Variants in RNF144A observed in about 807,000 individuals in gnomAD.
The protein encoded by RNF144A is ring finger protein 144A, also known as E3 ubiquitin-protein ligase RNF144A.
RNF144A carries 11 observed loss-of-function variants against 38.7 expected under a neutral mutation model. That is an observed-to-expected ratio of 0.28 (90% CI 0.18 to 0.47). The LOEUF is 0.47. Ranked by LOEUF, RNF144A falls within the 20% of genes least tolerant of loss-of-function variation. The probability of loss-of-function intolerance (pLI) is 0.99; values close to 1 mark genes in which losing one functional copy is unlikely to be tolerated. For synonymous variants in RNF144A, 149 were observed against 143.9 expected (o/e 1.04, Z -0.25); for missense variants, 316 against 377.2 (o/e 0.84, Z 1.34).
chr2:6,947,761 A>G (rs908655381), intron 2 of RNF144A, among the ~76,000 whole-genome samples: 2 of 152,198 alleles, frequency 1.3e-5, no homozygotes, highest in Admixed American at 6.5e-5. Context: ...CACAGTGCCA[A>G]TGAGAGGGTC....
chr2:7,018,655 A>G (rs1249830267), intron 5 of RNF144A, among the ~76,000 whole-genome samples: 3 of 152,254 alleles, frequency 2.0e-5, no homozygotes, highest in Non-Finnish European at 4.4e-5. Flanking sequence ...CCTGACAGCT[A>G]GGAACATTCT....
chr2:6,964,451 C>T (rs1322053274), intron 2 of RNF144A, among the ~76,000 whole-genome samples: 1 of 152,158 alleles, frequency 6.6e-6, no homozygotes, highest in Non-Finnish European at 1.5e-5. Flanking sequence ...ACCATTTGAC[C>T]CAGCCATCCC....
intron 5 of RNF144A, among the ~76,000 whole-genome samples, chr2:7,019,816 G>C (rs1671395541): frequency 6.6e-6 from 1 of 152,200 alleles, no homozygotes; most frequent in Admixed American, 6.5e-5. Flanking sequence ...CCATTAAATT[G>C]GGCTTCTTAG....
At chr2:7,033,386 GCC>G (rs1672453879) in intron 8 of RNF144A, among the ~76,000 whole-genome samples, 1 of 152,230 alleles carries the variant, frequency 6.6e-6, no homozygotes. Flanking sequence ...ACGCCATCGT[GCC>G]CTGGAGCTGC....
At position 6,999,624 on chromosome 2, in the gene RNF144A, A is replaced by G. The variant is rs542702084; in HGVS notation, c.135+2563A>G. On this transcript the variant is annotated intron_variant, in intron 3 of 8. Transcript: ENST00000320892. The stretch of plus-strand genomic sequence containing the variant: ...GTCCTGGAGCTGAAATGCCAGCTCT[A>G]TTTCTGCCCTGAGCAGGCCTCATTT... Among the ~76,000 whole-genome samples, 98 of 152,304 alleles carry G rather than the reference A, an allele frequency of 6.4e-4. 1 individual carries two copies. Among genetic ancestry groups the G allele is most frequent in the African/African-American group, 2.1e-3 (87 of 41,574 alleles).
At chr2:7,056,308 G>A (rs309281) in intron 6 of RNF144A, among the ~76,000 whole-genome samples, 41,363 of 151,902 alleles carry the variant, frequency 0.27, 6,808 homozygotes, top group South Asian at 0.43. Flanking sequence ...GGTAAGATGT[G>A]CCCTCTGTGC....
At chr2:7,005,053 G>A (rs1670351819) in intron 3 of RNF144A, among the ~76,000 whole-genome samples, 1 of 152,200 alleles carries the variant, frequency 6.6e-6, no homozygotes, top group South Asian at 2.1e-4. Context: ...CATTTTCTGT[G>A]AGATGTATCT....
In RNF144A at chr2:7,040,922, T is replaced by C; in HGVS notation, c.*1162T>C. On this transcript the variant is annotated 3_prime_UTR_variant, in exon 9 of 9. Coordinates refer to ENST00000320892, the MANE Select transcript of RNF144A (RefSeq NM_014746.6). The stretch of plus-strand genomic sequence containing the variant: ...TCACTTCGTTTTAACGTGGGGATTT[T>C]ACCACTTGATCTTTTACAGGGCTGT... 1.0e-6 allele frequency: 1 copy of C among 985,482 alleles called. No individual in the cohort carries two copies. Among genetic ancestry groups the C allele is most frequent in the Non-Finnish European group, 1.2e-6 (1 of 829,948 alleles). The allele number at this position is 985,482 out of a possible 1,614,324, so 61.0% of individuals were successfully genotyped here. A position where few individuals can be genotyped will look rare whatever the true frequency, so the allele number is the denominator to read the frequency against.
Position 7,043,266 on chromosome 2 carries a change from G to T in RNF144A, c.*3506G>T. On this transcript the variant is annotated 3_prime_UTR_variant, in exon 9 of 9. Transcript: ENST00000320892. ...TCCTGATTAGAACACAGGACCTGTG[G>T]GAGGGACTATCAGAGATGCAAAAAT... The T allele has an allele frequency of 2.0e-6, 2 of 984,964 alleles. No individual in the cohort carries two copies. The highest frequency in any genetic ancestry group is 2.4e-6 in the Non-Finnish European group (2 of 829,516). 61.0% of individuals were successfully genotyped at this position (984,964 alleles called of 1,614,324 possible). A position where few individuals can be genotyped will look rare whatever the true frequency, so the allele number is the denominator to read the frequency against.
chr2:7,017,887 C>T (rs1470193022), intron 5 of RNF144A, among the ~76,000 whole-genome samples: 4 of 152,256 alleles, frequency 2.6e-5, no homozygotes, highest in East Asian at 1.9e-4. Context: ...CTGACCTTTT[C>T]GATAGGGAAT....
chr2:6,931,869 G>C (rs532426261), intron 1 of RNF144A, among the ~76,000 whole-genome samples: 3 of 152,048 alleles, frequency 2.0e-5, no homozygotes, highest in Non-Finnish European at 1.5e-5. Context: ...TCTTCCCTTT[G>C]AACTAAAGGA....
At chr2:6,921,559 C>T (rs564371246) in intron 1 of RNF144A, among the ~76,000 whole-genome samples, 5 of 152,296 alleles carry the variant, frequency 3.3e-5, no homozygotes, top group African/African-American at 9.6e-5. Context: ...ATCGCACACA[C>T]GTCGTCAATT....
At chr2:6,996,761 C>A (rs957040260) in intron 2 of RNF144A, 155 bp from the exon 3 acceptor site, 6 of 745,928 alleles carry the variant, frequency 8.0e-6, no homozygotes, top group South Asian at 1.9e-5. Flanking sequence ...TCAAAAAAAA[C>A]CAAAAAATTC....
At chr2:7,063,866 T>C (rs1674078116) in intron 6 of RNF144A, among the ~76,000 whole-genome samples, 1 of 152,250 alleles carries the variant, frequency 6.6e-6, no homozygotes, top group African/African-American at 2.4e-5. Flanking sequence ...CCTTAGTCCA[T>C]TTTCTGTTGC....
intron 1 of RNF144A, among the ~76,000 whole-genome samples, chr2:6,939,794 T>C (rs1480056143): frequency 1.3e-5 from 2 of 151,902 alleles, no homozygotes; most frequent in Non-Finnish European, 2.9e-5. Flanking sequence ...GCACTATTCG[T>C]TGAAAAAAAA....
intron 2 of RNF144A, among the ~76,000 whole-genome samples, chr2:6,945,388 G>C (rs1666268001): frequency 6.6e-6 from 1 of 152,140 alleles, no homozygotes; most frequent in Admixed American, 6.5e-5. Flanking sequence ...CAGTTTTCTG[G>C]GGTTTGTTTA....
At chr2:6,972,080 A>C (rs1029689650) in intron 2 of RNF144A, among the ~76,000 whole-genome samples, 3 of 152,138 alleles carry the variant, frequency 2.0e-5, no homozygotes, top group Non-Finnish European at 4.4e-5. Flanking sequence ...CCACAAACTT[A>C]TACAAGTAAC....
intron 2 of RNF144A, among the ~76,000 whole-genome samples, chr2:6,981,191 T>C (rs1268486685): frequency 2.0e-5 from 3 of 152,196 alleles, no homozygotes; most frequent in African/African-American, 7.2e-5. Flanking sequence ...GGAGACATTT[T>C]CCCCCATTGT....
In RNF144A at chr2:7,064,069, C is replaced by T. The variant is rs1572498773; in HGVS notation, c.735-4147C>T. On this transcript the variant is annotated intron_variant, in intron 6 of 6. Transcript: ENST00000432850. The stretch of plus-strand genomic sequence containing the variant: ...ACAGGGGCTGGACTGGCTTTATAAA[C>T]AAACCAGGCTTGTGATAACTAACCT... Among the ~76,000 whole-genome samples the T allele has an allele frequency of 2.0e-5, 3 of 152,284 alleles. No homozygotes were observed. In the East Asian group the frequency reaches 5.8e-4, roughly 29 times the overall value.
Sources: allele counts gnomAD v4.1 joint callset (sites outside exome capture counted in the v4.1 genomes callset), GRCh38; gene constraint gnomAD v4.1.1; transcripts MANE v1.5; gene names NCBI Gene and HGNC (gene_info 2026-07-23, HGNC 2026-07-21).